Variants in HDAC3 observed in about 807,000 individuals in gnomAD.
HDAC3 encodes the protein SMAP45.
HDAC3 carries 21 observed loss-of-function variants against 62.3 expected under a neutral mutation model. The ratio of observed to expected loss-of-function variants is 0.34; its 90% CI spans 0.24 to 0.49. HDAC3 has a LOEUF of 0.49. Among genes scored for constraint, HDAC3 ranks in the 20% least tolerant of loss-of-function variants. The probability of loss-of-function intolerance (pLI) is 0.99; values close to 1 mark genes in which losing one functional copy is unlikely to be tolerated. For synonymous variants in HDAC3, 198 were observed against 206.5 expected (o/e 0.96, Z 0.35); for missense variants, 270 against 556.9 (o/e 0.48, Z 5.19).
intron 3 of HDAC3, among the ~76,000 whole-genome samples, chr5:141,633,851 G>T (rs1489924714): frequency 6.7e-6 from 1 of 148,254 alleles, no homozygotes; most frequent in Non-Finnish European, 1.5e-5. Context: ...AAAAAAAAGA[G>T]TGGCCATTTG....
In HDAC3 at chr5:141,629,121, C is replaced by G; in HGVS notation, c.610+52G>C. 1 of 1,593,334 alleles carries G rather than the reference C, an allele frequency of 6.3e-7. No individual in the cohort carries two copies. Among genetic ancestry groups the G allele is most frequent in the South Asian group, 1.1e-5 (1 of 89,300 alleles). On this transcript the variant is annotated intron_variant, in intron 7 of 14. Coordinates refer to ENST00000305264, the MANE Select transcript of HDAC3 (RefSeq NM_003883.4). This position sits in a 1 kb window ranked among gnomAD's most constrained non-coding sequence, Gnocchi z 5.3. Reference sequence around the variant, plus strand: ...ACTAGAAGGCTGAGAAGGAGGCACTCATAGTAAAGAGCTGAAGGGTGCAAA... The same window carrying G: ...ACTAGAAGGCTGAGAAGGAGGCACTGATAGTAAAGAGCTGAAGGGTGCAAA...
Position 141,625,650 on chromosome 5 carries a change from G to C in HDAC3, c.1059+35C>G, listed in dbSNP as rs754960636. 6.3e-7 allele frequency: 1 copy of C among 1,597,144 alleles called. No individual in the cohort carries two copies. The highest frequency in any genetic ancestry group is 8.6e-7 in the Non-Finnish European group (1 of 1,164,618). On this transcript the variant is annotated intron_variant, in intron 13 of 14. Transcript: ENST00000305264. The surrounding 1 kb of genome is among the most constrained non-coding windows in gnomAD (Gnocchi z 4.0). ...ACCTCTCCTGGGCTCCACCTTTCAG[G>C]AGAAGTTTGTGCTCAGCTTTTCTGA...
chr5:141,631,875 C>T (rs1327802296), intron 3 of HDAC3, among the ~76,000 whole-genome samples: 1 of 151,764 alleles, frequency 6.6e-6, no homozygotes, highest in East Asian at 1.9e-4. Flanking sequence ...ACAGGTATTA[C>T]CTAAGGATTA....
Position 141,626,539 on chromosome 5 carries a change from A to G in HDAC3, c.831-256T>C, listed in dbSNP as rs2099904443. The stretch of plus-strand genomic sequence containing the variant: ...TCCCTGGCACCCTGCCTGCTAATCA[A>G]CTATTCTCATCAACCCAAGTTCTGT... On this transcript the variant is annotated intron_variant, in intron 10 of 14. Coordinates refer to ENST00000305264, the MANE Select transcript of HDAC3 (RefSeq NM_003883.4). This position sits in a 1 kb window ranked among gnomAD's most constrained non-coding sequence, Gnocchi z 4.6. 4.3e-6 allele frequency: 2 copies of G among 466,680 alleles called. No homozygotes were observed. The highest frequency in any genetic ancestry group is 6.7e-5 in the Admixed American group (2 of 29,694). 28.9% of individuals were successfully genotyped at this position (466,680 alleles called of 1,614,324 possible).
At chr5:141,627,759 T>C (rs909770118) in intron 10 of HDAC3, 134 bp downstream of exon 10, 9 of 767,104 alleles carry the variant, frequency 1.2e-5, no homozygotes, top group African/African-American at 8.7e-5. Context: ...ATGACATTTC[T>C]AGTTCAAGTA....
chr5:141,625,057 T>A lies in HDAC3; in HGVS notation c.1217+151A>T. 1 of 787,548 alleles carries A rather than the reference T, an allele frequency of 1.3e-6. No homozygotes were observed. The highest frequency in any genetic ancestry group is 2.0e-6 in the Non-Finnish European group (1 of 502,932). 48.8% of individuals were successfully genotyped at this position (787,548 alleles called of 1,614,324 possible). A position where few individuals can be genotyped will look rare whatever the true frequency, so the allele number is the denominator to read the frequency against. ...AATAAATACGTGTTACTTTTGTCATTAAAAATAACAAAGAAAAGAGTGAGG... is the reference window on the plus strand; with the variant it reads ...AATAAATACGTGTTACTTTTGTCATAAAAAATAACAAAGAAAAGAGTGAGG... On this transcript the variant is annotated intron_variant, in intron 14 of 14. Transcript: ENST00000305264. The surrounding 1 kb of genome is among the most constrained non-coding windows in gnomAD (Gnocchi z 4.0).
At position 141,628,757 on chromosome 5, in the gene HDAC3, C is replaced by T. The variant is rs977219629; in HGVS notation, c.611-118G>A. The T allele has an allele frequency of 6.5e-5, 46 of 705,200 alleles. No homozygotes were observed. In the African/African-American group the frequency reaches 8.0e-4, roughly 12 times the overall value. 43.7% of individuals were successfully genotyped at this position (705,200 alleles called of 1,614,324 possible). ...CATCTATGTAGCTTCACCATAAACT[C>T]CCTAGAGCCACTAAATCTCTTGCAG... On this transcript the variant is annotated intron_variant, in intron 7 of 14. Transcript: ENST00000305264. The surrounding 1 kb of genome is among the most constrained non-coding windows in gnomAD (Gnocchi z 4.7).
In HDAC3 at chr5:141,621,449, A is replaced by C. The variant is rs764920196; in HGVS notation, c.*19T>G. On this transcript the variant is annotated 3_prime_UTR_variant, in exon 15 of 15. Transcript: ENST00000305264. ...GAGGTGAAAAGAAATTCCTTGGGAC[A>C]CAGCATCCCAAGCCACTCTTAAATC... 1 of 1,609,702 alleles carries C rather than the reference A, an allele frequency of 6.2e-7. No homozygotes were observed. The highest frequency in any genetic ancestry group is 8.5e-7 in the Non-Finnish European group (1 of 1,175,996).
At position 141,634,897 on chromosome 5, in the gene HDAC3, G is replaced by A; in HGVS notation, c.195C>T (p.Asp65=). 1 of 1,614,108 alleles carries A rather than the reference G, an allele frequency of 6.2e-7. No homozygotes were observed. Among genetic ancestry groups the A allele is most frequent in the Middle Eastern group, 1.7e-4 (1 of 6,056 alleles). The part of the protein sequence containing the change: ...QHDMCRFHSE[D]YIDFLQRVSP... Reference sequence around the variant, plus strand: ...TGACTCTCTGCAGGAAGTCAATGTAGTCCTCGGAGTGGAAGCGGCACATGT... The same window carrying A: ...TGACTCTCTGCAGGAAGTCAATGTAATCCTCGGAGTGGAAGCGGCACATGT... Residue 65 remains aspartate (D), a synonymous_variant, in exon 3 of 15, where the codon GAC becomes GAT. Coordinates refer to ENST00000305264, the MANE Select transcript of HDAC3 (RefSeq NM_003883.4).
chr5:141,635,913 T>G (rs1040520341), intron 2 of HDAC3: 2 of 152,334 alleles, frequency 1.3e-5, no homozygotes, highest in Admixed American at 1.3e-4. Context: ...TGGCGTGGCT[T>G]AACTGTTACT....
chr5:141,631,048 T>C (rs1353218379), intron 3 of HDAC3, among the ~76,000 whole-genome samples: 1 of 152,086 alleles, frequency 6.6e-6, no homozygotes, highest in Non-Finnish European at 1.5e-5. Context: ...AGGTTAATTT[T>C]ACTGTATGCA....
rs1179991492 is a variant in HDAC3 at position 141,629,227 on chromosome 5, G to T, written c.556C>A (p.Arg186=). 1 of 1,614,118 alleles carries T rather than the reference G, an allele frequency of 6.2e-7. No individual in the cohort carries two copies. Among genetic ancestry groups the T allele is most frequent in the Admixed American group, 1.7e-5 (1 of 60,030 alleles). The change falls in exon 7 of 15, where the codon CGG becomes AGG. Residue 186 remains arginine (R), a synonymous_variant. Coordinates refer to ENST00000305264, the MANE Select transcript of HDAC3 (RefSeq NM_003883.4). This position sits in a 1 kb window ranked among gnomAD's most constrained non-coding sequence, Gnocchi z 5.3. The part of the protein sequence containing the change: ...GVQEAFYLTD[R]VMTVSFHKYG... ...TTGTGGAAGGACACCGTCATGACCC[G>T]GTCAGTGAGGTAGAAAGCTTCTTGA...
chr5:141,629,791 G>GC lies in HDAC3; in HGVS notation c.421-53dup, dbSNP rs745568247. 23 of 1,610,372 alleles carry GC rather than the reference G, an allele frequency of 1.4e-5. No individual in the cohort carries two copies. The highest frequency in any genetic ancestry group is 1.3e-4 in the Admixed American group (8 of 59,982). On this transcript the variant is annotated intron_variant, in intron 5 of 14. Transcript: ENST00000305264. The surrounding 1 kb of genome is among the most constrained non-coding windows in gnomAD (Gnocchi z 5.3). ...GAGAAGAGCAATTCCCCTCCCAGCTGCCCCCCACCATCATCCTAAACACCT... is the reference window on the plus strand; with the variant it reads ...GAGAAGAGCAATTCCCCTCCCAGCTGCCCCCCCACCATCATCCTAAACACCT...
Position 141,626,102 on chromosome 5 carries a change from G to C in HDAC3, c.921-31C>G. 1 of 1,611,722 alleles carries C rather than the reference G, an allele frequency of 6.2e-7. No individual in the cohort carries two copies. The highest frequency in any genetic ancestry group is 8.5e-7 in the Non-Finnish European group (1 of 1,177,772). On this transcript the variant is annotated intron_variant, in intron 11 of 14. Coordinates refer to ENST00000305264, the MANE Select transcript of HDAC3 (RefSeq NM_003883.4). This position sits in a 1 kb window ranked among gnomAD's most constrained non-coding sequence, Gnocchi z 4.6. Reference sequence around the variant, plus strand: ...ACCAACCAGCAGAGGGGAGCAGGCTGACCAAGTGGGCTGAAGGACCCATGT... The same window carrying C: ...ACCAACCAGCAGAGGGGAGCAGGCTCACCAAGTGGGCTGAAGGACCCATGT...
Position 141,634,796 on chromosome 5 carries a change from C to T in HDAC3, c.281+15G>A, listed in dbSNP as rs182523416. 8.5e-5 allele frequency: 137 copies of T among 1,612,188 alleles called. No homozygotes were observed. The East Asian group carries it at 3.0e-3, about 36-fold the overall frequency. On this transcript the variant is annotated intron_variant, in intron 3 of 14. Coordinates refer to ENST00000305264, the MANE Select transcript of HDAC3 (RefSeq NM_003883.4). ...ATTAAACTGTTAGACATCAAAACTC[C>T]CAGTCCTCCCTCACCAGTCATCGCC...
chr5:141,623,671 C>A (rs981934141), intron 14 of HDAC3, among the ~76,000 whole-genome samples: 2 of 152,100 alleles, frequency 1.3e-5, no homozygotes, highest in African/African-American at 4.8e-5. Context: ...TTGCAGAGAT[C>A]CCCAAGAGTC....
At chr5:141,627,842 A>C in intron 10 of HDAC3, 51 bp downstream of exon 10, 1 of 1,543,926 alleles carries the variant, frequency 6.5e-7, no homozygotes, top group Non-Finnish European at 9.0e-7. Flanking sequence ...CACGTACTGA[A>C]GTCCAAGGCC....
chr5:141,636,747 T>C lies in HDAC3; in HGVS notation c.44A>G (p.Asn15Ser). Residue 15 changes from asparagine (N) to serine (S), a missense_variant, in exon 1 of 15, where the codon AAC becomes AGC. Physicochemically the swap from Asn to Ser is conservative, Grantham distance 46 (BLOSUM62 1). This residue lies in a region of HDAC3 where 22 missense variants were observed against 21.3 expected (regional missense o/e 1.03). Coordinates refer to ENST00000305264, the MANE Select transcript of HDAC3 (RefSeq NM_003883.4). ...VAYFYDPDVG[N>S]FHYGAGHPMK... is the part of the protein sequence containing the mutation. The stretch of plus-strand genomic sequence containing the variant: ...CCCTGTTTCCTCACCGTAGTGGAAG[T>C]TGCCCACGTCGGGGTCGTAGAAATA... The C allele has an allele frequency of 6.2e-7, 1 of 1,614,072 alleles. No individual in the cohort carries two copies. Among genetic ancestry groups the C allele is most frequent in the Non-Finnish European group, 8.5e-7 (1 of 1,179,942 alleles).
At position 141,630,109 on chromosome 5, in the gene HDAC3, G is replaced by A. The variant is rs1161158103; in HGVS notation, c.298C>T (p.Leu100Phe). The A allele has an allele frequency of 6.2e-7, 1 of 1,614,100 alleles. No individual in the cohort carries two copies. Among genetic ancestry groups the A allele is most frequent in the South Asian group, 1.1e-5 (1 of 91,084 alleles). Residue 100 changes from leucine (L) to phenylalanine (F), a missense_variant, in exon 4 of 15, where the codon CTC becomes TTC. By Grantham distance (22) the Leu-to-Phe change is conservative. Around this residue, in one of 5 missense-constraint regions of HDAC3, gnomAD observed 156 missense variants for 383.9 expected, o/e 0.41. Transcript: ENST00000305264. ...VGDDCPVFPG[L>F]FEFCSRYTGA... ...GTGTAACGCGAGCAGAACTCAAAGA[G>A]CCCGGGAAACACTGGGCTGCAGGGA...
Sources: allele counts gnomAD v4.1 joint callset (sites outside exome capture counted in the v4.1 genomes callset), GRCh38; gene constraint gnomAD v4.1.1; regional missense constraint gnomAD v4.1.1; non-coding constraint Gnocchi (gnomAD v3.1); transcripts MANE v1.5; gene names NCBI Gene and HGNC (gene_info 2026-07-23, HGNC 2026-07-21).